Variants in SDK2 observed in about 807,000 individuals in gnomAD.
The protein encoded by SDK2 is sidekick cell adhesion molecule 2, also known as protein sidekick-2.
SDK2 carries 105 observed loss-of-function variants against 253.9 expected under a neutral mutation model. The ratio of observed to expected loss-of-function variants is 0.41; its 90% CI spans 0.35 to 0.49. The LOEUF is 0.49. Among genes scored for constraint, SDK2 ranks in the 20% least tolerant of loss-of-function variants. SDK2 has a pLI of 0.06. For synonymous variants in SDK2, 1,249 were observed against 1,234.9 expected, an observed-to-expected ratio of 1.01 and a Z score of -0.24; for missense variants, 2,608 against 3,003.0, an observed-to-expected ratio of 0.87 and a Z score of 3.07.
chr17:73,365,897 C>T (rs2062680606), intron 37 of SDK2, among the ~76,000 whole-genome samples: 1 of 152,150 alleles, frequency 6.6e-6, no homozygotes, highest in African/African-American at 2.4e-5. Flanking sequence ...GGGCTTGTCA[C>T]AGAGGCCCCA....
chr17:73,407,183 T>C (rs2145546639), intron 18 of SDK2, among the ~76,000 whole-genome samples: 1 of 152,360 alleles, frequency 6.6e-6, no homozygotes, highest in Non-Finnish European at 1.5e-5. Flanking sequence ...GGTATCTAAC[T>C]ATCATTTCTC....
At chr17:73,430,345 TA>T (rs1374081730) in intron 12 of SDK2, among the ~76,000 whole-genome samples, 165 bp downstream of exon 12, 1 of 152,192 alleles carries the variant, frequency 6.6e-6, no homozygotes, top group Non-Finnish European at 1.5e-5. Context: ...GTTTATTTCA[TA>T]CCCCCTACCT....
At chr17:73,578,594 A>G (rs2045490118) in intron 1 of SDK2, among the ~76,000 whole-genome samples, 1 of 152,126 alleles carries the variant, frequency 6.6e-6, no homozygotes, top group African/African-American at 2.4e-5. Flanking sequence ...CTGGGAGGAC[A>G]TGGTTCTGCA....
chr17:73,466,719 C>CT (rs2145683602), intron 3 of SDK2, among the ~76,000 whole-genome samples: 1 of 144,928 alleles, frequency 6.9e-6, no homozygotes, highest in Admixed American at 6.8e-5. Flanking sequence ...GGGAACGCCC[C>CT]CCCCCCCCGG....
intron 28 of SDK2, among the ~76,000 whole-genome samples, chr17:73,390,734 C>T (rs1568378686): frequency 6.6e-6 from 1 of 152,146 alleles, no homozygotes; most frequent in East Asian, 1.9e-4. Context: ...CGTAACAGCC[C>T]CAAGTGAAGA....
At chr17:73,464,042 C>T (rs114852127) in intron 3 of SDK2, among the ~76,000 whole-genome samples, 6 of 152,274 alleles carry the variant, frequency 3.9e-5, no homozygotes, top group African/African-American at 1.2e-4. Context: ...CTGGTGGGCA[C>T]GGAATGGTAC....
rs1367663018 is a variant in SDK2, at chr17:73,383,389, G to C, written c.4705+487C>G. Among the ~76,000 whole-genome samples, 3 of 152,248 alleles carry C rather than the reference G, an allele frequency of 2.0e-5. No individual in the cohort carries two copies. The highest frequency in any genetic ancestry group is 6.5e-5 in the Admixed American group (1 of 15,290). On this transcript the variant is annotated intron_variant, in intron 33 of 44. Coordinates refer to ENST00000392650, the MANE Select transcript of SDK2 (RefSeq NM_001144952.2). The surrounding 1 kb of genome is among the most constrained non-coding windows in gnomAD (Gnocchi z 4.3). ...GGGCAGTGGCTTCCCCCAGGAAAAA[G>C]AGGGGGCCAGGACTACTGCTCTAGG...
At chr17:73,547,050 C>A (rs1408619001) in intron 1 of SDK2, among the ~76,000 whole-genome samples, 3 of 152,234 alleles carry the variant, frequency 2.0e-5, no homozygotes, top group Non-Finnish European at 4.4e-5. Context: ...CTGTATGCAT[C>A]CCCCTGAGTC....
intron 41 of SDK2, 98 bp from the exon 42 acceptor site, chr17:73,350,888 G>A (rs12449590): frequency 0.39 from 506,132 of 1,297,602 alleles, 104,463 homozygotes; most frequent in Admixed American, 0.47. Flanking sequence ...ACAATCTATG[G>A]GAAGGCAGGG....
chr17:73,550,580 C>T (rs371146695), intron 1 of SDK2, among the ~76,000 whole-genome samples: 5 of 152,256 alleles, frequency 3.3e-5, no homozygotes, highest in African/African-American at 1.2e-4. Context: ...TTTTGACCGT[C>T]TCCCATTCCC....
intron 2 of SDK2, among the ~76,000 whole-genome samples, 196 bp from the exon 3 acceptor site, chr17:73,472,414 C>T (rs185358874): frequency 6.6e-6 from 1 of 152,298 alleles, no homozygotes; most frequent in Admixed American, 6.5e-5. Context: ...CCTCCCAAAG[C>T]CAATGAGGCC....
chr17:73,411,893 T>A (rs1212292412), intron 18 of SDK2, among the ~76,000 whole-genome samples: 1 of 148,838 alleles, frequency 6.7e-6, no homozygotes, highest in Non-Finnish European at 1.5e-5. Context: ...TGCCTCAGTC[T>A]CCCGAGTAGC....
At chr17:73,377,782 T>TC (rs2062795813) in intron 36 of SDK2, among the ~76,000 whole-genome samples, 1 of 150,936 alleles carries the variant, frequency 6.6e-6, no homozygotes, top group African/African-American at 2.4e-5. Context: ...CCGGCTAATT[T>TC]TGTATTTTTA....
chr17:73,444,962 G>A (rs2063442712), intron 5 of SDK2, among the ~76,000 whole-genome samples: 1 of 152,218 alleles, frequency 6.6e-6, no homozygotes, highest in Non-Finnish European at 1.5e-5. Flanking sequence ...TTGATTTAAT[G>A]TGATTTAATT....
At chr17:73,439,582 C>T (rs1281829859) in intron 6 of SDK2, among the ~76,000 whole-genome samples, 1 of 152,132 alleles carries the variant, frequency 6.6e-6, no homozygotes, top group African/African-American at 2.4e-5. Context: ...ACAGGACATG[C>T]TCTCCCTCTC....
At chr17:73,632,516 C>T (rs1195542429) in intron 1 of SDK2, among the ~76,000 whole-genome samples, 4 of 152,200 alleles carry the variant, frequency 2.6e-5, no homozygotes, top group South Asian at 2.1e-4. Context: ...GCTGCACTGT[C>T]GGCTTCCCTA....
Position 73,350,249 on chromosome 17 carries a change from C to T in SDK2, c.6026G>A (p.Gly2009Asp). 8.1e-7 allele frequency: 1 copy of T among 1,232,510 alleles called. No individual in the cohort carries two copies. Among genetic ancestry groups the T allele is most frequent in the Non-Finnish European group, 1.1e-6 (1 of 948,306 alleles). 76.3% of individuals were successfully genotyped at this position (1,232,510 alleles called of 1,614,324 possible). A position where few individuals can be genotyped will look rare whatever the true frequency, so the allele number is the denominator to read the frequency against. The change falls in exon 43 of 45, where the codon GGC becomes GAC. Residue 2009 changes from glycine to aspartate, a missense_variant. Coordinates refer to ENST00000392650, the MANE Select transcript of SDK2 (RefSeq NM_001144952.2). ...SVKNSFCRKN[G>D]LYTRSPPRPS... ...GAGGGCCCAGTACCTGGTGTACAGG[C>T]CGTTCTTTCGGCAGAAAGAGTTCTT...
At chr17:73,406,860 A>G (rs1329448231) in intron 18 of SDK2, among the ~76,000 whole-genome samples, 2 of 152,226 alleles carry the variant, frequency 1.3e-5, no homozygotes, top group Non-Finnish European at 2.9e-5. Flanking sequence ...CTAGAGGGAT[A>G]TACCTCAGGA....
chr17:73,401,937 G>A lies in SDK2; in HGVS notation c.2680+9C>T, dbSNP rs372946925. 6.3e-5 allele frequency: 101 copies of A among 1,590,824 alleles called. No individual in the cohort carries two copies. Among genetic ancestry groups the A allele is most frequent in the Non-Finnish European group, 8.4e-5 (98 of 1,166,966 alleles). ...GGGGGCAGAAAGAGCAGGGCTGGGG[G>A]GTGCCTACCATCCTCATGGGTGCGC... On this transcript the variant is annotated intron_variant, in intron 19 of 44. Coordinates refer to ENST00000392650, the MANE Select transcript of SDK2 (RefSeq NM_001144952.2).
Sources: gnomAD v4.1 joint callset for allele counts (sites outside exome capture counted in the v4.1 genomes callset) on GRCh38, gnomAD v4.1.1 for gene constraint, Gnocchi (gnomAD v3.1) non-coding constraint, MANE v1.5 for transcripts, NCBI Gene and HGNC (gene_info 2026-07-23, HGNC 2026-07-21) for gene names.